Variants in WDFY3 observed in about 807,000 individuals in gnomAD.
WDFY3 encodes the protein WD repeat and FYVE domain-containing protein 3.
A neutral mutation model predicts 409.6 loss-of-function variants in WDFY3; 66 were observed. That is an observed-to-expected ratio of 0.16 (90% CI 0.13 to 0.20). The LOEUF (loss-of-function observed/expected upper bound fraction) is 0.20, where lower values mean the gene tolerates loss of function less well. WDFY3 is among the 10% of genes least tolerant of loss of function. The pLI, the probability that WDFY3 is intolerant of heterozygous loss-of-function variation, is 1.00. For missense variants in WDFY3, 3,031 were observed against 4,298.1 expected (o/e 0.71, Z 8.24); for synonymous variants, 1,521 against 1,537.1 (o/e 0.99, Z 0.25).
Position 84,724,495 on chromosome 4 carries a change from C to T in WDFY3, c.7372G>A (p.Glu2458Lys), listed in dbSNP as rs1392743001. 1 of 1,614,012 alleles carries T rather than the reference C, an allele frequency of 6.2e-7. No individual in the cohort carries two copies. Among genetic ancestry groups the T allele is most frequent in the Non-Finnish European group, 8.5e-7 (1 of 1,180,006 alleles). Residue 2458 changes from glutamate to lysine, a missense_variant, in exon 46 of 68, where the codon GAG (glutamate) becomes AAG (lysine). Glu to Lys is a moderately conservative substitution (Grantham distance 56, BLOSUM62 1). Coordinates refer to ENST00000295888, the MANE Select transcript of WDFY3 (RefSeq NM_014991.6). Reference protein sequence around the residue: ...NPAIVQDAIVESSEGEAAQQE... With the variant: ...NPAIVQDAIVKSSEGEAAQQE... Reference sequence around the variant, plus strand: ...TGAGCAGCTTCACCTTCTGAACTCTCCACAATGGCGTCTTGGACAATGGCG... The same window carrying T: ...TGAGCAGCTTCACCTTCTGAACTCTTCACAATGGCGTCTTGGACAATGGCG...
chr4:84,736,465 C>CAG, intron 41 of WDFY3, 138 bp from the exon 42 acceptor site: 2 of 755,728 alleles, frequency 2.6e-6, no homozygotes, highest in African/African-American at 3.6e-5. Context: ...ATATTACATT[C>CAG]AGATATCACA....
rs780043763 is a variant in WDFY3 at position 84,841,121 on chromosome 4, C to T, written c.414+33G>A. The T allele has an allele frequency of 4.6e-6, 7 of 1,525,628 alleles. 1 individual carries two copies. In the East Asian group the frequency reaches 6.8e-5, roughly 15 times the overall value. The allele number at this position is 1,525,628 out of a possible 1,614,324, so 94.5% of individuals were successfully genotyped here. A position where few individuals can be genotyped will look rare whatever the true frequency, so the allele number is the denominator to read the frequency against. On this transcript the variant is annotated intron_variant, in intron 6 of 67. Coordinates refer to ENST00000295888, the MANE Select transcript of WDFY3 (RefSeq NM_014991.6). ...CAAGAGAGGCTATAAAATAAAGACG[C>T]TGAGTTATCAAACATGAAAACTAAG...
At chr4:84,724,191 A>G (rs1000036769) in intron 46 of WDFY3, among the ~76,000 whole-genome samples, 8 of 152,246 alleles carry the variant, frequency 5.3e-5, no homozygotes, top group Non-Finnish European at 1.2e-4. Context: ...GAGAAATACA[A>G]TTAAAAAACC....
At chr4:84,755,197 CT>C (rs1002419666) in intron 34 of WDFY3, 68 bp downstream of exon 34, 39 of 1,576,818 alleles carry the variant, frequency 2.5e-5, no homozygotes, top group Middle Eastern at 1.7e-4. Context: ...CAAAAAATTC[CT>C]CTATTTACAA....
intron 67 of WDFY3, among the ~76,000 whole-genome samples, chr4:84,676,826 A>G (rs1184004774): frequency 6.6e-6 from 1 of 152,232 alleles, no homozygotes; most frequent in Admixed American, 6.5e-5. Context: ...ATGTTTACAG[A>G]GGCAACACAT....
At chr4:84,766,134 T>G in intron 31 of WDFY3, 107 bp from the exon 32 acceptor site, 1 of 1,486,284 alleles carries the variant, frequency 6.7e-7, no homozygotes, top group Non-Finnish European at 9.1e-7. Context: ...CTGGAGATAC[T>G]ATAAATTTCA....
At chr4:84,732,386 G>A (rs1736743635) in intron 44 of WDFY3, among the ~76,000 whole-genome samples, 1 of 152,066 alleles carries the variant, frequency 6.6e-6, no homozygotes, top group Non-Finnish European at 1.5e-5. Flanking sequence ...CAATTTTTGT[G>A]CCAAGAACGT....
chr4:84,906,103 T>C (rs1767003334), intron 2 of WDFY3, among the ~76,000 whole-genome samples: 2 of 152,248 alleles, frequency 1.3e-5, no homozygotes, highest in African/African-American at 4.8e-5. Context: ...TGTTTACTTA[T>C]ATTCACCACC....
intron 1 of WDFY3, among the ~76,000 whole-genome samples, chr4:84,933,420 G>A (rs1771016500): frequency 6.6e-6 from 1 of 151,910 alleles, no homozygotes; most frequent in African/African-American, 2.4e-5. Flanking sequence ...CCTGTACATA[G>A]TAAATATACA....
At chr4:84,701,498 GCTAA>G (rs1205020118) in intron 56 of WDFY3, among the ~76,000 whole-genome samples, 1 of 152,074 alleles carries the variant, frequency 6.6e-6, no homozygotes, top group Non-Finnish European at 1.5e-5. Context: ...TAATTTATGT[GCTAA>G]CTCTTACAAA....
intron 58 of WDFY3, among the ~76,000 whole-genome samples, chr4:84,693,597 C>T (rs1729610067): frequency 6.6e-6 from 1 of 152,142 alleles, no homozygotes; most frequent in African/African-American, 2.4e-5. Flanking sequence ...TGTATTTCTA[C>T]AGGATTAAAA....
chr4:84,763,770 C>T (rs1475057536), intron 32 of WDFY3, among the ~76,000 whole-genome samples: 1 of 151,940 alleles, frequency 6.6e-6, no homozygotes, highest in Non-Finnish European at 1.5e-5. Context: ...AAATTGAATA[C>T]CTAGATATAG....
chr4:84,890,055 G>C (rs1579002732), intron 3 of WDFY3, among the ~76,000 whole-genome samples: 1 of 152,014 alleles, frequency 6.6e-6, no homozygotes, highest in East Asian at 1.9e-4. Flanking sequence ...ATGCAAATAG[G>C]TTCTTGTTGC....
At chr4:84,892,869 T>C (rs1312842677) in intron 3 of WDFY3, among the ~76,000 whole-genome samples, 4 of 152,256 alleles carry the variant, frequency 2.6e-5, no homozygotes, top group Non-Finnish European at 5.9e-5. Flanking sequence ...CCAGGGTTGC[T>C]GTTTCAGTAT....
intron 2 of WDFY3, among the ~76,000 whole-genome samples, chr4:84,930,865 A>G (rs144716845): frequency 6.6e-4 from 101 of 152,340 alleles, no homozygotes; most frequent in African/African-American, 2.4e-3. Context: ...AAGTATTACA[A>G]TATTCCCCCT....
intron 64 of WDFY3, among the ~76,000 whole-genome samples, chr4:84,679,894 A>G (rs1470087542): frequency 6.6e-6 from 1 of 150,876 alleles, no homozygotes; most frequent in East Asian, 1.9e-4. Context: ...ATATATATGT[A>G]TGTATGTATT....
intron 2 of WDFY3, among the ~76,000 whole-genome samples, chr4:84,919,548 CAT>C (rs1432305008): frequency 2.6e-5 from 4 of 152,138 alleles, no homozygotes; most frequent in African/African-American, 4.8e-5. Flanking sequence ...ATAATCCCCA[CAT>C]GTCATGGGAG....
chr4:84,961,001 G>T (rs1470479216), intron 1 of WDFY3, among the ~76,000 whole-genome samples: 1 of 152,030 alleles, frequency 6.6e-6, no homozygotes, highest in South Asian at 2.1e-4. Context: ...CGGATCACAA[G>T]GTCAGGAATT....
chr4:84,712,824 AAT>A (rs751412927), intron 51 of WDFY3, among the ~76,000 whole-genome samples: 1 of 152,202 alleles, frequency 6.6e-6, no homozygotes, highest in Non-Finnish European at 1.5e-5. Flanking sequence ...TATGTTTCTG[AAT>A]AGTTTTTTAA....
Sources: allele counts gnomAD v4.1 joint callset (sites outside exome capture counted in the v4.1 genomes callset), GRCh38; gene constraint gnomAD v4.1.1; transcripts MANE v1.5; gene names NCBI Gene and HGNC (gene_info 2026-07-23, HGNC 2026-07-21).